Variants in NPSR1 observed in about 807,000 individuals in gnomAD.
NPSR1 encodes the protein neuropeptide S receptor 1, also known as neuropeptide S receptor.
A neutral mutation model predicts 46.9 loss-of-function variants in NPSR1; 48 were observed. The observed-to-expected ratio is 1.02, with a 90% confidence interval of 0.81 to 1.30. The LOEUF (loss-of-function observed/expected upper bound fraction) is 1.30. Ranked by LOEUF, NPSR1 falls within the 50% of genes most tolerant of loss-of-function variation. NPSR1 has a pLI of 0.00. For missense variants in NPSR1, 450 were observed against 449.5 expected, an observed-to-expected ratio of 1.00 and a Z score of -0.01; for synonymous variants, 176 against 168.1, an observed-to-expected ratio of 1.05 and a Z score of -0.36.
intron 3 of NPSR1, among the ~76,000 whole-genome samples, chr7:34,784,820 A>C (rs1444978461): frequency 6.6e-6 from 1 of 152,132 alleles, no homozygotes; most frequent in East Asian, 1.9e-4. Context: ...GCAAATCAAA[A>C]CCACAATGAG....
chr7:34,747,633 C>T (rs1785277025), intron 2 of NPSR1, among the ~76,000 whole-genome samples: 1 of 152,160 alleles, frequency 6.6e-6, no homozygotes, highest in African/African-American at 2.4e-5. Context: ...TACACACACA[C>T]ACACACGTGC....
chr7:34,824,893 G>A (rs1789748384), intron 4 of NPSR1, among the ~76,000 whole-genome samples: 1 of 151,872 alleles, frequency 6.6e-6, no homozygotes, highest in South Asian at 2.1e-4. Context: ...ACCCCCTCCA[G>A]TCCTATTACC....
intron 2 of NPSR1, among the ~76,000 whole-genome samples, chr7:34,690,494 C>T (rs323924): frequency 0.12 from 18,388 of 151,934 alleles, 1,188 homozygotes; most frequent in Middle Eastern, 0.17. Flanking sequence ...AAAACCAACA[C>T]AAAGAAAACA....
At chr7:34,870,697 A>G (rs921429018) in intron 8 of NPSR1, among the ~76,000 whole-genome samples, 7 of 151,822 alleles carry the variant, frequency 4.6e-5, no homozygotes, top group African/African-American at 1.7e-4. Flanking sequence ...AGAATAAGGA[A>G]GCTGGAGCCA....
At chr7:34,696,523 G>T (rs1199130325) in intron 2 of NPSR1, among the ~76,000 whole-genome samples, 1 of 151,860 alleles carries the variant, frequency 6.6e-6, no homozygotes. Flanking sequence ...TCCTAGAAAG[G>T]AATAAAACAA....
intron 2 of NPSR1, among the ~76,000 whole-genome samples, chr7:34,710,316 G>T (rs1013631293): frequency 2.6e-5 from 4 of 152,190 alleles, no homozygotes; most frequent in African/African-American, 9.7e-5. Flanking sequence ...AGCTACAGTG[G>T]CCTCCCTTTA....
At chr7:34,866,028 T>A (rs1366484625) in intron 8 of NPSR1, among the ~76,000 whole-genome samples, 2 of 151,714 alleles carry the variant, frequency 1.3e-5, no homozygotes, top group African/African-American at 4.9e-5. Flanking sequence ...AAGGCTCCAA[T>A]CTTCATCATA....
chr7:34,716,870 A>G (rs927907898), intron 2 of NPSR1, among the ~76,000 whole-genome samples: 36 of 152,206 alleles, frequency 2.4e-4, no homozygotes, highest in Non-Finnish European at 1.3e-4. Flanking sequence ...CTAACTTGCC[A>G]TTGCCTGCTT....
intron 2 of NPSR1, among the ~76,000 whole-genome samples, chr7:34,773,187 GCT>G (rs1470983200): frequency 6.6e-6 from 1 of 152,100 alleles, no homozygotes; most frequent in Non-Finnish European, 1.5e-5. Context: ...CATGAAGTGG[GCT>G]CTGATTTAAC....
intron 1 of NPSR1, among the ~76,000 whole-genome samples, chr7:34,661,935 T>C (rs1242509456): frequency 6.6e-6 from 1 of 152,190 alleles, no homozygotes; most frequent in East Asian, 1.9e-4. Context: ...GGTATCTGAA[T>C]ATAAGGCTGT....
chr7:34,774,613 G>C (rs1172202255), intron 2 of NPSR1, among the ~76,000 whole-genome samples: 1 of 152,176 alleles, frequency 6.6e-6, no homozygotes, highest in African/African-American at 2.4e-5. Context: ...AAAATGGATG[G>C]CATTGCTTCA....
At chr7:34,821,751 C>T (rs1236548508) in intron 4 of NPSR1, among the ~76,000 whole-genome samples, 1 of 152,120 alleles carries the variant, frequency 6.6e-6, no homozygotes. Context: ...CCTAAATTAT[C>T]AGAAAGGCAG....
chr7:34,757,817 G>T (rs1424367246), intron 2 of NPSR1, among the ~76,000 whole-genome samples: 1 of 152,092 alleles, frequency 6.6e-6, no homozygotes, highest in East Asian at 1.9e-4. Context: ...CTGAGCTTTG[G>T]CTCCACTCCC....
chr7:34,830,674 T>C (rs1355562326), intron 5 of NPSR1, among the ~76,000 whole-genome samples: 1 of 152,252 alleles, frequency 6.6e-6, no homozygotes, highest in African/African-American at 2.4e-5. Flanking sequence ...TTATTAAAAG[T>C]AGTGATTGAC....
rs994977496 is a variant in NPSR1, at chr7:34,826,419, A to C, written c.479-982A>C. ...ACCACAGTCAACACACTGTCGAACA[A>C]CACCACCTGACTCTACATTCCAACC... is the stretch of plus-strand genomic sequence containing the variant. On this transcript the variant is annotated intron_variant, in intron 4 of 8. Transcript: ENST00000360581. Among the ~76,000 whole-genome samples, 6 of 152,166 alleles carry C rather than the reference A, an allele frequency of 3.9e-5. No homozygotes were observed. In the East Asian group the frequency reaches 7.7e-4, roughly 20 times the overall value.
chr7:34,711,969 C>T (rs1281328240), intron 2 of NPSR1, among the ~76,000 whole-genome samples: 2 of 152,220 alleles, frequency 1.3e-5, no homozygotes, highest in African/African-American at 4.8e-5. Context: ...AGGTGGGACC[C>T]AGGTATCCCC....
chr7:34,784,287 T>G (rs1001797514), intron 3 of NPSR1, among the ~76,000 whole-genome samples: 18 of 152,132 alleles, frequency 1.2e-4, no homozygotes, highest in Non-Finnish European at 2.5e-4. Flanking sequence ...TGCTTCCAGT[T>G]TTTGCCCATT....
chr7:34,677,698 C>T (rs1792389588), intron 1 of NPSR1, among the ~76,000 whole-genome samples: 2 of 152,160 alleles, frequency 1.3e-5, no homozygotes, highest in African/African-American at 2.4e-5. Flanking sequence ...TAAAGGCCTT[C>T]CTGGGGAGGT....
At chr7:34,791,435 CA>C (rs79104323) in intron 3 of NPSR1, among the ~76,000 whole-genome samples, 21,379 of 143,982 alleles carry the variant, frequency 0.15, 2,051 homozygotes, top group East Asian at 0.33. Flanking sequence ...ATGAACTATC[CA>C]AAAAAAAATA....
Sources: allele counts gnomAD v4.1 joint callset (sites outside exome capture counted in the v4.1 genomes callset), GRCh38; gene constraint gnomAD v4.1.1; transcripts MANE v1.5; gene names NCBI Gene and HGNC (gene_info 2026-07-23, HGNC 2026-07-21).